The following ZNF423 variants were observed in gnomAD, a reference collection of about 807,000 sequenced individuals.
The protein encoded by ZNF423 is zinc finger protein 423.
Under a neutral mutation model 95.8 loss-of-function variants are expected in ZNF423, and 12 were observed. The ratio of observed to expected loss-of-function variants is 0.13; its 90% CI spans 0.08 to 0.20. The LOEUF (loss-of-function observed/expected upper bound fraction) is 0.20, where lower values mean the gene tolerates loss of function less well. Ranked by LOEUF, ZNF423 falls within the 10% of genes least tolerant of loss-of-function variation. The pLI is 1.00. For synonymous variants in ZNF423, 749 were observed against 711.9 expected, an observed-to-expected ratio of 1.05 and a Z score of -0.83; for missense variants, 1,316 against 1,737.1, an observed-to-expected ratio of 0.76 and a Z score of 4.31.
At chr16:49,558,322 G>A (rs1288772418) in intron 5 of ZNF423, among the ~76,000 whole-genome samples, 1 of 152,148 alleles carries the variant, frequency 6.6e-6, no homozygotes, top group Non-Finnish European at 1.5e-5. Flanking sequence ...ACTCTGCTTG[G>A]CACACAAGCA....
chr16:49,609,016 C>A (rs1971630342), intron 5 of ZNF423, among the ~76,000 whole-genome samples: 1 of 152,188 alleles, frequency 6.6e-6, no homozygotes, highest in South Asian at 2.1e-4. Flanking sequence ...TCAGTAGAGA[C>A]CACATGGGGA....
intron 5 of ZNF423, among the ~76,000 whole-genome samples, chr16:49,601,739 G>A (rs986745425): frequency 1.1e-4 from 16 of 152,248 alleles, no homozygotes; most frequent in African/African-American, 3.9e-4. Flanking sequence ...TCAGCCTGTG[G>A]TCCCCCCTTG....
At chr16:49,775,816 A>T (rs1016839061) in intron 2 of ZNF423, among the ~76,000 whole-genome samples, 1 of 152,178 alleles carries the variant, frequency 6.6e-6, no homozygotes, top group Non-Finnish European at 1.5e-5. Context: ...GTGAATCAGG[A>T]TTGAAATAAG....
intron 3 of ZNF423, among the ~76,000 whole-genome samples, chr16:49,729,403 C>A (rs1169205659): frequency 6.6e-6 from 1 of 152,066 alleles, no homozygotes; most frequent in Non-Finnish European, 1.5e-5. Flanking sequence ...GCTTGGCCAC[C>A]AAACAGATAT....
upstream of ZNF423, chr16:49,857,989 A>G (rs1191075257): frequency 6.6e-6 from 1 of 151,926 alleles, no homozygotes; most frequent in East Asian, 2.0e-4. This position sits in a 1 kb window ranked among gnomAD's most constrained non-coding sequence, Gnocchi z 6.2. Context: ...GCAGGCGGCC[A>G]GGTCTCGGGT....
chr16:49,544,248 A>G (rs1969359681), intron 5 of ZNF423, among the ~76,000 whole-genome samples: 1 of 152,238 alleles, frequency 6.6e-6, no homozygotes. Flanking sequence ...GGGAGGCAAT[A>G]GCAGGAAGGA....
intron 7 of ZNF423, among the ~76,000 whole-genome samples, chr16:49,522,806 C>T (rs2151704361): frequency 6.6e-6 from 1 of 152,156 alleles, no homozygotes; most frequent in East Asian, 1.9e-4. Flanking sequence ...TGCTATGGTC[C>T]AGGTACAGTG....
At position 49,638,804 on chromosome 16, in the gene ZNF423, C is replaced by T. The variant is rs374791815; in HGVS notation, c.372G>A (p.Thr124=). ...SPSSKDVASP[T]QMIGDGCDLG... ...GGTCACAACCATCTCCGATCATCTGCGTGGGTGACGCAACATCCTTGCTGG... is the reference window on the plus strand; with the variant it reads ...GGTCACAACCATCTCCGATCATCTGTGTGGGTGACGCAACATCCTTGCTGG... Residue 124 remains threonine (T), a synonymous_variant, in exon 4 of 8, where the codon ACG becomes ACA. Coordinates refer to ENST00000563137, the MANE Select transcript of ZNF423 (RefSeq NM_001379286.1). The surrounding 1 kb of genome is among the most constrained non-coding windows in gnomAD (Gnocchi z 5.6). 8.1e-6 allele frequency: 13 copies of T among 1,613,918 alleles called. No homozygotes were observed. Among genetic ancestry groups the T allele is most frequent in the Non-Finnish European group, 1.1e-5 (13 of 1,179,954 alleles).
chr16:49,776,203 G>A (rs1381741770), intron 2 of ZNF423, among the ~76,000 whole-genome samples: 1 of 152,234 alleles, frequency 6.6e-6, no homozygotes, highest in African/African-American at 2.4e-5. Context: ...GGCCAGACCT[G>A]AGTAGGGCAG....
chr16:49,667,517 G>C (rs933792579), intron 3 of ZNF423, among the ~76,000 whole-genome samples: 1 of 152,240 alleles, frequency 6.6e-6, no homozygotes, highest in Non-Finnish European at 1.5e-5. Flanking sequence ...ATTATCTTCT[G>C]AAGACCTGCT....
chr16:49,732,329 A>T (rs2033188942), intron 2 of ZNF423, among the ~76,000 whole-genome samples: 1 of 152,228 alleles, frequency 6.6e-6, no homozygotes, highest in Non-Finnish European at 1.5e-5. Context: ...AATATAACCC[A>T]CAGAATATAT....
Position 49,637,691 on chromosome 16 carries a change from C to A in ZNF423, c.1485G>T (p.Glu495Asp), listed in dbSNP as rs1972786733. 1 of 1,614,140 alleles carries A rather than the reference C, an allele frequency of 6.2e-7. No homozygotes were observed. Among genetic ancestry groups the A allele is most frequent in the African/African-American group, 1.3e-5 (1 of 75,050 alleles). Residue 495 changes from glutamate (E) to aspartate (D), a missense_variant, in exon 4 of 8, where the codon GAG becomes GAT. This residue lies in a region of ZNF423 where 399 missense variants were observed against 478.5 expected (regional missense o/e 0.83). Coordinates refer to ENST00000563137, the MANE Select transcript of ZNF423 (RefSeq NM_001379286.1). This position sits in a 1 kb window ranked among gnomAD's most constrained non-coding sequence, Gnocchi z 5.6. Reference protein sequence around the residue: ...ISAFHCNYCPEMFADINSLQE... With the variant: ...ISAFHCNYCPDMFADINSLQE... The stretch of plus-strand genomic sequence containing the variant: ...GCAGGCTATTGATGTCGGCGAACAT[C>A]TCGGGGCAGTAGTTGCAGTGGAAGG...
chr16:49,702,557 G>T (rs970020929), intron 3 of ZNF423, among the ~76,000 whole-genome samples: 2 of 152,324 alleles, frequency 1.3e-5, no homozygotes, highest in South Asian at 2.1e-4. Context: ...GAGGCGGGGG[G>T]CTGGCGGGCC....
intron 5 of ZNF423, among the ~76,000 whole-genome samples, chr16:49,624,309 G>A (rs1301492828): frequency 3.9e-5 from 6 of 152,070 alleles, no homozygotes; most frequent in Admixed American, 1.3e-4. Context: ...CCAGAAATTC[G>A]GGAGGCTGAG....
At chr16:49,544,149 G>C (rs1022823907) in intron 5 of ZNF423, among the ~76,000 whole-genome samples, 3 of 152,208 alleles carry the variant, frequency 2.0e-5, no homozygotes, top group Non-Finnish European at 4.4e-5. Flanking sequence ...CTGGAGAAGA[G>C]AGAATGAATT....
intron 5 of ZNF423, among the ~76,000 whole-genome samples, chr16:49,535,423 C>T (rs1213078932): frequency 1.3e-5 from 2 of 152,212 alleles, no homozygotes; most frequent in African/African-American, 4.8e-5. Flanking sequence ...CAAATCCCGG[C>T]TCTTTGAGCG....
At chr16:49,705,830 G>T (rs186141442) in intron 3 of ZNF423, among the ~76,000 whole-genome samples, 1 of 152,244 alleles carries the variant, frequency 6.6e-6, no homozygotes. Context: ...TTACAGGCAT[G>T]AGCCACTGCG....
chr16:49,523,785 C>T (rs988500002), intron 6 of ZNF423, 46 bp from the exon 7 acceptor site: 1 of 1,539,142 alleles, frequency 6.5e-7, no homozygotes, highest in African/African-American at 1.4e-5. Context: ...GACACCAGCC[C>T]AGCCTCCTGT....
At chr16:49,666,976 T>C (rs1173756437) in intron 3 of ZNF423, among the ~76,000 whole-genome samples, 2 of 152,084 alleles carry the variant, frequency 1.3e-5, no homozygotes, top group African/African-American at 4.8e-5. Flanking sequence ...ACCGACTCCA[T>C]CACCAACACC....
Sources: allele counts gnomAD v4.1 joint callset (sites outside exome capture counted in the v4.1 genomes callset), GRCh38; gene constraint gnomAD v4.1.1; regional missense constraint gnomAD v4.1.1; non-coding constraint Gnocchi (gnomAD v3.1); transcripts MANE v1.5; gene names NCBI Gene and HGNC (gene_info 2026-07-23, HGNC 2026-07-21).